The following AK3 variants were observed in gnomAD, a reference collection of about 807,000 sequenced individuals.
AK3 encodes the protein GTP:AMP phosphotransferase AK3, mitochondrial.
A neutral mutation model predicts 23.7 loss-of-function variants in AK3; 27 were observed. That is an observed-to-expected ratio of 1.14 (90% CI 0.84 to 1.57). The LOEUF is 1.57. Among genes scored for constraint, AK3 ranks in the 40% most tolerant of loss-of-function variants. The pLI is 0.00. For synonymous variants in AK3, 159 were observed against 116.0 expected, an observed-to-expected ratio of 1.37 and a Z score of -2.38; for missense variants, 406 against 285.6, an observed-to-expected ratio of 1.42 and a Z score of -3.04.
intron 4 of AK3, among the ~76,000 whole-genome samples, chr9:4,716,635 A>T (rs139552342): frequency 0.012 from 1,875 of 152,324 alleles, 71 homozygotes; most frequent in Admixed American, 0.072. Flanking sequence ...AGAAAAAATT[A>T]AGATGGTTTG....
At position 4,734,809 on chromosome 9, in the gene AK3, T is replaced by C. The variant is rs189661662; in HGVS notation, c.151+6128A>G. ...ATGGCCCATCCATAAAATGGAATTG[T>C]ATTCAGCGATAAAAAAGAATGAAGT... On this transcript the variant is annotated intron_variant, in intron 1 of 4. Coordinates refer to ENST00000381809, the MANE Select transcript of AK3 (RefSeq NM_016282.4). 9.8e-5 allele frequency among the ~76,000 whole-genome samples: 15 copies of C among 152,324 alleles called. No homozygotes were observed. In the East Asian group the frequency reaches 2.7e-3, roughly 27 times the overall value.
chr9:4,729,012 T>TAC (rs1842090141), intron 1 of AK3, among the ~76,000 whole-genome samples: 1 of 107,750 alleles, frequency 9.3e-6, no homozygotes, highest in Admixed American at 8.7e-5. Context: ...TATATATATA[T>TAC]ATATTTTTTT....
intron 1 of AK3, among the ~76,000 whole-genome samples, chr9:4,730,179 G>C (rs1284091173): frequency 1.3e-5 from 2 of 152,116 alleles, no homozygotes; most frequent in Admixed American, 6.6e-5. Context: ...GGGAGGGTTG[G>C]GGAGAAATGG....
chr9:4,719,060 A>G, intron 3 of AK3, 75 bp downstream of exon 3: 1 of 1,541,106 alleles, frequency 6.5e-7, no homozygotes, highest in Non-Finnish European at 8.9e-7. Context: ...TTCCAAGTTC[A>G]CTCAACTTAT....
intron 2 of AK3, among the ~76,000 whole-genome samples, chr9:4,720,689 C>CAAAAAAAAAAAA (rs61644070): frequency 7.1e-6 from 1 of 140,198 alleles, no homozygotes; most frequent in African/African-American, 2.7e-5. Context: ...ACACTGTCTC[C>CAAAAAAAAAAAA]AAAAAAAAAA....
chr9:4,719,257 T>C lies in AK3; in HGVS notation c.322A>G (p.Ile108Val), dbSNP rs1340757702. ...QAEALDRAYQ[I>V]DTVINLNVPF... ...ACATTCAGGTTAATCACTGTGTCGA[T>C]CTGATAAGCTCTATCTAGGGCTTCT... is the stretch of plus-strand genomic sequence containing the variant. Residue 108 changes from isoleucine (I) to valine (V), a missense_variant, in exon 3 of 5, where the codon ATC becomes GTC. Coordinates refer to ENST00000381809, the MANE Select transcript of AK3 (RefSeq NM_016282.4). The C allele has an allele frequency of 6.2e-7, 1 of 1,611,918 alleles. No homozygotes were observed. The highest frequency in any genetic ancestry group is 1.1e-5 in the South Asian group (1 of 90,988).
intron 1 of AK3, among the ~76,000 whole-genome samples, chr9:4,726,449 C>T (rs979343996): frequency 6.6e-6 from 1 of 152,166 alleles, no homozygotes; most frequent in African/African-American, 2.4e-5. Context: ...TTGAATAATG[C>T]TCACAGCATC....
intron 1 of AK3, among the ~76,000 whole-genome samples, chr9:4,734,716 C>T (rs1842230103): frequency 6.6e-6 from 1 of 152,116 alleles, no homozygotes; most frequent in Non-Finnish European, 1.5e-5. Flanking sequence ...CTATGGTACA[C>T]CCATAAGATA....
chr9:4,741,308 C>T (rs531514534), upstream of AK3: 2 of 418,378 alleles, frequency 4.8e-6, no homozygotes, highest in Admixed American at 4.6e-5. Flanking sequence ...GGCGCACCCC[C>T]CGCCCCCGAC....
intron 1 of AK3, among the ~76,000 whole-genome samples, chr9:4,726,478 T>C (rs7034145): frequency 0.46 from 69,519 of 152,024 alleles, 18,624 homozygotes; most frequent in East Asian, 0.74. Context: ...GACTAGATTC[T>C]ACCTCAAGAA....
At chr9:4,741,533 C>A (rs1300778766), upstream of AK3, among the ~76,000 whole-genome samples, 1 of 152,036 alleles carries the variant, frequency 6.6e-6, no homozygotes, top group Non-Finnish European at 1.5e-5. Context: ...GAACCCCGCG[C>A]CCTGTCCGGC....
At chr9:4,739,076 TCTCCTAGA>T (rs1842363283) in intron 1 of AK3, among the ~76,000 whole-genome samples, 1 of 151,842 alleles carries the variant, frequency 6.6e-6, no homozygotes, top group Admixed American at 6.6e-5. Context: ...CCAGGCCTAC[TCTCCTAGA>T]CTTTGGTTAA....
chr9:4,726,554 A>C lies in AK3; in HGVS notation c.152-3929T>G, dbSNP rs548478352. ...CATTCAAGTTTTATGAGATTGCAGC[A>C]ATCCAGTTACATCTTCAGGCTGCAC... On this transcript the variant is annotated intron_variant, in intron 1 of 4. Coordinates refer to ENST00000381809, the MANE Select transcript of AK3 (RefSeq NM_016282.4). Among the ~76,000 whole-genome samples the C allele has an allele frequency of 3.9e-5, 6 of 152,276 alleles. No homozygotes were observed. The East Asian group carries it at 1.2e-3, about 29-fold the overall frequency.
chr9:4,734,381 C>T (rs116735225), intron 1 of AK3, among the ~76,000 whole-genome samples: 3,201 of 152,304 alleles, frequency 0.021, 114 homozygotes, highest in African/African-American at 0.073. Flanking sequence ...ACATGTCCAT[C>T]TGCCCTCCTG....
intron 1 of AK3, among the ~76,000 whole-genome samples, chr9:4,725,019 C>CTTTTTTTT (rs1491310710): frequency 3.8e-5 from 2 of 53,302 alleles, no homozygotes; most frequent in African/African-American, 7.6e-5. Context: ...AGCTACTAAA[C>CTTTTTTTT]TCTTTTTTTT....
At chr9:4,729,439 T>C (rs751018372) in intron 1 of AK3, among the ~76,000 whole-genome samples, 3 of 152,108 alleles carry the variant, frequency 2.0e-5, no homozygotes, top group Non-Finnish European at 4.4e-5. Flanking sequence ...GCCACTGTAC[T>C]CCAGCCTGAG....
At chr9:4,735,906 G>C (rs1341396647) in intron 1 of AK3, among the ~76,000 whole-genome samples, 2 of 151,878 alleles carry the variant, frequency 1.3e-5, no homozygotes, top group Non-Finnish European at 2.9e-5. Context: ...CTTGAGGTAG[G>C]AAGTTCGAGA....
intron 1 of AK3, among the ~76,000 whole-genome samples, chr9:4,738,664 T>C (rs1842351319): frequency 6.6e-6 from 1 of 151,874 alleles, no homozygotes; most frequent in African/African-American, 2.4e-5. Flanking sequence ...TAATCATCTC[T>C]GTGTGGCAAG....
chr9:4,733,812 T>A (rs1001799009), intron 1 of AK3, among the ~76,000 whole-genome samples: 2 of 152,170 alleles, frequency 1.3e-5, no homozygotes, highest in African/African-American at 4.8e-5. Context: ...TCTACACACA[T>A]GGATCCTCCT....
Sources: allele counts gnomAD v4.1 joint callset (sites outside exome capture counted in the v4.1 genomes callset), GRCh38; gene constraint gnomAD v4.1.1; transcripts MANE v1.5; gene names NCBI Gene and HGNC (gene_info 2026-07-23, HGNC 2026-07-21).